UVRAG: variants seen among roughly 807,000 people sequenced by gnomAD.
The protein encoded by UVRAG is UV radiation resistance associated.
In UVRAG, 19 loss-of-function variants were observed where a neutral mutation model predicts 78.0. That is an observed-to-expected ratio of 0.24 (90% confidence interval 0.17 to 0.36). The LOEUF is 0.36. Among genes scored for constraint, UVRAG ranks in the 10% least tolerant of loss-of-function variants. The pLI, the probability that UVRAG is intolerant of heterozygous loss-of-function variation, is 1.00. For synonymous variants in UVRAG, 323 were observed against 324.6 expected (o/e 1.00, Z 0.05); for missense variants, 740 against 853.8 (o/e 0.87, Z 1.66).
chr11:76,044,502 C>T (rs141026504), intron 12 of UVRAG, among the ~76,000 whole-genome samples: 319 of 152,310 alleles, frequency 2.1e-3, no homozygotes, highest in African/African-American at 7.0e-3. Context: ...CCAGGCGCCG[C>T]GGCTCACGGC....
intron 6 of UVRAG, among the ~76,000 whole-genome samples, chr11:75,949,665 G>T (rs975059565): frequency 6.8e-6 from 1 of 146,364 alleles, no homozygotes; most frequent in African/African-American, 2.5e-5. Context: ...TTTTTCTTTG[G>T]CAGTGTAATT....
chr11:75,822,689 A>G (rs1647957104), intron 1 of UVRAG, among the ~76,000 whole-genome samples: 3 of 151,462 alleles, frequency 2.0e-5, no homozygotes, highest in Admixed American at 2.0e-4. Flanking sequence ...TAAATAAACA[A>G]TATTACACAG....
At chr11:76,041,380 A>AC (rs1220479909) in intron 12 of UVRAG, among the ~76,000 whole-genome samples, 1 of 152,126 alleles carries the variant, frequency 6.6e-6, no homozygotes, top group Non-Finnish European at 1.5e-5. Context: ...GCTGCGTGGA[A>AC]CCCCAGAGGA....
chr11:75,969,093 C>G (rs769579610), intron 7 of UVRAG, among the ~76,000 whole-genome samples: 3 of 152,146 alleles, frequency 2.0e-5, no homozygotes, highest in Non-Finnish European at 4.4e-5. Context: ...CCATCCATCT[C>G]CAGAAGTCTT....
At chr11:75,970,765 T>A (rs1049982247) in intron 7 of UVRAG, among the ~76,000 whole-genome samples, 27 of 150,818 alleles carry the variant, frequency 1.8e-4, no homozygotes, top group African/African-American at 6.6e-4. Context: ...AGGCAGAAAG[T>A]ACAGAGTTCC....
rs1031248457 is a variant in UVRAG at position 76,076,447 on chromosome 11, G to C, written c.1305+10659G>C. Among the ~76,000 whole-genome samples, 3 of 152,286 alleles carry C rather than the reference G, an allele frequency of 2.0e-5. No homozygotes were observed. In the South Asian group the frequency reaches 6.2e-4, roughly 32 times the overall value. On this transcript the variant is annotated intron_variant, in intron 13 of 14. Coordinates refer to ENST00000356136, the MANE Select transcript of UVRAG (RefSeq NM_003369.4). ...AATCTGATCTCACATCAGATCTTGT[G>C]AGACTTATTCACTATCACAAGAACA...
intron 12 of UVRAG, among the ~76,000 whole-genome samples, chr11:76,029,420 C>G (rs1008991243): frequency 6.6e-6 from 1 of 152,074 alleles, no homozygotes; most frequent in Non-Finnish European, 1.5e-5. Flanking sequence ...TCTGATGGAT[C>G]TGGGCAAAAT....
At chr11:75,890,402 A>G (rs958829764) in intron 5 of UVRAG, among the ~76,000 whole-genome samples, 1 of 152,218 alleles carries the variant, frequency 6.6e-6, no homozygotes, top group African/African-American at 2.4e-5. Context: ...TTTAGTAGAT[A>G]AAATCATTAG....
intron 13 of UVRAG, among the ~76,000 whole-genome samples, chr11:76,068,859 G>A (rs1341137971): frequency 6.6e-6 from 1 of 152,118 alleles, no homozygotes; most frequent in Non-Finnish European, 1.5e-5. Flanking sequence ...TTGTCAAAGG[G>A]GAGTTTGTCT....
rs1591155329 is a variant in UVRAG, at chr11:76,031,643, C to T, written c.1226+14663C>T. Among the ~76,000 whole-genome samples the T allele has an allele frequency of 2.6e-5, 4 of 152,224 alleles. 1 individual carries two copies. In the South Asian group the frequency reaches 8.3e-4, roughly 32 times the overall value. The stretch of plus-strand genomic sequence containing the variant: ...AAACCAGATGACTCTGACATGTGAC[C>T]CCAACCTGAACTTACTGCTTTTCTA... On this transcript the variant is annotated intron_variant, in intron 12 of 14. Transcript: ENST00000356136.
chr11:75,950,893 G>C (rs1948679495), intron 6 of UVRAG, among the ~76,000 whole-genome samples: 1 of 149,736 alleles, frequency 6.7e-6, no homozygotes, highest in African/African-American at 2.5e-5. Flanking sequence ...CTCAATTATT[G>C]GGTTGTTTAT....
chr11:76,045,273 T>G (rs1294057989), intron 12 of UVRAG, among the ~76,000 whole-genome samples: 4 of 152,236 alleles, frequency 2.6e-5, no homozygotes, highest in Non-Finnish European at 5.9e-5. Flanking sequence ...ATACAGCTTC[T>G]TAGAGTTGTA....
chr11:76,036,699 G>A (rs1382155834), intron 12 of UVRAG, among the ~76,000 whole-genome samples: 1 of 151,506 alleles, frequency 6.6e-6, no homozygotes, highest in Non-Finnish European at 1.5e-5. Flanking sequence ...AGAAGACATG[G>A]CAAGAAAGAA....
chr11:75,901,307 C>T (rs1947492983), intron 5 of UVRAG, among the ~76,000 whole-genome samples: 1 of 151,860 alleles, frequency 6.6e-6, no homozygotes, highest in South Asian at 2.1e-4. Flanking sequence ...TCTTATTTTA[C>T]CTAGGTTAAG....
chr11:75,999,104 G>A (rs1053192709), intron 8 of UVRAG, among the ~76,000 whole-genome samples: 1 of 151,820 alleles, frequency 6.6e-6, no homozygotes, highest in African/African-American at 2.4e-5. Flanking sequence ...ATGGTGGCGG[G>A]TGCCTGTAAT....
intron 1 of UVRAG, among the ~76,000 whole-genome samples, chr11:75,830,911 C>G (rs1945640936): frequency 6.6e-6 from 1 of 152,200 alleles, no homozygotes; most frequent in Non-Finnish European, 1.5e-5. Context: ...TGCTTGTGTT[C>G]AAATCCTGGT....
intron 3 of UVRAG, among the ~76,000 whole-genome samples, chr11:75,877,786 C>T (rs1946833606): frequency 7.2e-6 from 1 of 138,214 alleles, no homozygotes; most frequent in Non-Finnish European, 1.6e-5. Context: ...GGCAGAGGGG[C>T]TCCTCACTTC....
At chr11:75,833,909 C>T in intron 1 of UVRAG, among the ~76,000 whole-genome samples, 1 of 152,190 alleles carries the variant, frequency 6.6e-6, no homozygotes, top group Non-Finnish European at 1.5e-5. Context: ...GCCTTCATTC[C>T]AGTAAACCTA....
chr11:75,826,544 T>C (rs911820478), intron 1 of UVRAG, among the ~76,000 whole-genome samples: 3 of 152,206 alleles, frequency 2.0e-5, no homozygotes, highest in Admixed American at 2.0e-4. Context: ...AGAGGCTGTA[T>C]TTTAACGTTC....
Sources: gnomAD v4.1 joint callset for allele counts (sites outside exome capture counted in the v4.1 genomes callset) on GRCh38, gnomAD v4.1.1 for gene constraint, MANE v1.5 for transcripts, NCBI Gene and HGNC (gene_info 2026-07-23, HGNC 2026-07-21) for gene names.